Variants in PDE1C observed in about 807,000 individuals in gnomAD.
PDE1C encodes the protein dual specificity calcium/calmodulin-dependent 3',5'-cyclic nucleotide phosphodiesterase 1C.
In PDE1C, 62 loss-of-function variants were observed where a neutral mutation model predicts 93.1. The observed-to-expected ratio is 0.67, with a 90% confidence interval of 0.54 to 0.82. The LOEUF (loss-of-function observed/expected upper bound fraction) is 0.82, where lower values mean the gene tolerates loss of function less well. Ranked by LOEUF, PDE1C falls within the 40% of genes least tolerant of loss-of-function variation. PDE1C has a pLI of 0.00. For missense variants in PDE1C, 742 were observed against 884.6 expected (o/e 0.84, Z 2.04); for synonymous variants, 325 against 310.1 (o/e 1.05, Z -0.50).
At chr7:32,107,007 A>T (rs1392818094) in intron 3 of PDE1C, among the ~76,000 whole-genome samples, 1 of 151,298 alleles carries the variant, frequency 6.6e-6, no homozygotes, top group African/African-American at 2.4e-5. Flanking sequence ...AGGAAATGCC[A>T]GAAATAAATT....
intron 5 of PDE1C, among the ~76,000 whole-genome samples, chr7:31,875,124 C>T (rs1334319145): frequency 6.6e-6 from 1 of 152,176 alleles, no homozygotes; most frequent in Non-Finnish European, 1.5e-5. Flanking sequence ...CTATCATTGG[C>T]ACTGCCATGA....
chr7:31,691,859 T>A, the PDE1C span, among the ~76,000 whole-genome samples: 2 of 148,512 alleles, frequency 1.3e-5, no homozygotes, highest in Non-Finnish European at 3.0e-5. Context: ...CTTATTCAAT[T>A]CGGGTTCAAA....
At chr7:31,967,548 C>T (rs944712195) in intron 2 of PDE1C, among the ~76,000 whole-genome samples, 2 of 152,186 alleles carry the variant, frequency 1.3e-5, no homozygotes, top group African/African-American at 4.8e-5. Flanking sequence ...GGAACTGGTA[C>T]CATTCCTTCT....
chr7:31,947,502 G>T (rs1452240371), intron 2 of PDE1C, among the ~76,000 whole-genome samples: 1 of 152,138 alleles, frequency 6.6e-6, no homozygotes, highest in African/African-American at 2.4e-5. Context: ...AAGTTAGGCT[G>T]GGTCCTTTTT....
chr7:31,834,361 G>A lies in PDE1C; in HGVS notation c.1203+2819C>T, dbSNP rs1326428592. ...TGTTCTCCAGATCCCAGAATGGTAG[G>A]TCCACTGACAACTTGCACCATGTGC... On this transcript the variant is annotated intron_variant, in intron 11 of 17. Transcript: ENST00000396191. 2.0e-5 allele frequency among the ~76,000 whole-genome samples: 3 copies of A among 152,172 alleles called. 1 individual carries two copies. Among genetic ancestry groups the A allele is most frequent in the African/African-American group, 4.8e-5 (2 of 41,448 alleles).
intron 1 of PDE1C, among the ~76,000 whole-genome samples, chr7:32,244,817 T>G (rs1808804388): frequency 3.3e-5 from 5 of 152,214 alleles, no homozygotes; most frequent in Non-Finnish European, 5.9e-5. Context: ...ATCACTGCCC[T>G]ACATGTTGTC....
At chr7:31,623,817 G>C in the PDE1C span, among the ~76,000 whole-genome samples, 2 of 152,146 alleles carry the variant, frequency 1.3e-5, no homozygotes, top group African/African-American at 2.4e-5. Context: ...ATTAGGAAAA[G>C]AGCAAGTCAA....
intron 16 of PDE1C, chr7:31,788,538 C>G (rs1390585710): frequency 6.6e-6 from 1 of 152,172 alleles, no homozygotes; most frequent in Admixed American, 6.5e-5. Flanking sequence ...TTTGACAGCA[C>G]CCACCCTCTC....
intron 1 of PDE1C, among the ~76,000 whole-genome samples, chr7:32,396,711 T>C (rs1305721354): frequency 6.6e-6 from 1 of 152,182 alleles, no homozygotes; most frequent in East Asian, 1.9e-4. Flanking sequence ...TTTGTGTATG[T>C]TTGTTATAGT....
At chr7:31,704,480 G>A in the PDE1C span, among the ~76,000 whole-genome samples, 6 of 152,214 alleles carry the variant, frequency 3.9e-5, no homozygotes, top group African/African-American at 7.2e-5. Flanking sequence ...GAGAGAGGAC[G>A]AAGGGAAGGA....
At chr7:31,625,647 A>G in the PDE1C span, among the ~76,000 whole-genome samples, 11 of 152,206 alleles carry the variant, frequency 7.2e-5, no homozygotes, top group Non-Finnish European at 1.3e-4. Context: ...GGGGAGGGAT[A>G]GCACTGGGAG....
At position 31,823,226 on chromosome 7, in the gene PDE1C, C is replaced by G; in HGVS notation, c.1429G>C (p.Asp477His). The G allele has an allele frequency of 6.2e-7, 1 of 1,610,258 alleles. No individual in the cohort carries two copies. The highest frequency in any genetic ancestry group is 1.1e-5 in the South Asian group (1 of 90,286). The change falls in exon 14 of 18, where the codon GAT (aspartate) becomes CAT (histidine). Residue 477 changes from aspartate (D) to histidine (H), a missense_variant. By Grantham distance (81) the Asp-to-His change is moderately conservative. This residue lies in a region of PDE1C where 454 missense variants were observed against 459.4 expected (regional missense o/e 0.99). Coordinates refer to ENST00000396191, the MANE Select transcript of PDE1C (RefSeq NM_001191057.4). ...RSSLNSISSSDAKRSGVKTSG... is the reference protein window; with the variant it reads ...RSSLNSISSSHAKRSGVKTSG... ...GTCTTGACACCTGATCGCTTGGCAT[C>G]TGACGAGCTGATGCTATTCAAACTG...
At chr7:32,050,865 C>T (rs143358939) in intron 2 of PDE1C, among the ~76,000 whole-genome samples, 8 of 152,252 alleles carry the variant, frequency 5.3e-5, no homozygotes, top group East Asian at 1.9e-4. Flanking sequence ...CATTGGACTT[C>T]GGAGGCCATG....
chr7:32,086,096 T>C (rs1797053990), intron 3 of PDE1C, among the ~76,000 whole-genome samples: 1 of 151,162 alleles, frequency 6.6e-6, no homozygotes, highest in Non-Finnish European at 1.5e-5. Context: ...ATTGTATATC[T>C]AGAAAACCCC....
At chr7:32,124,987 A>G (rs1191470962) in intron 3 of PDE1C, among the ~76,000 whole-genome samples, 1 of 152,216 alleles carries the variant, frequency 6.6e-6, no homozygotes, top group East Asian at 1.9e-4. Flanking sequence ...CAAAGATCTA[A>G]TATCCAGAAT....
chr7:31,868,733 C>T (rs118085054), intron 6 of PDE1C, among the ~76,000 whole-genome samples: 1 of 152,068 alleles, frequency 6.6e-6, no homozygotes, highest in Non-Finnish European at 1.5e-5. Flanking sequence ...AAGATCTCCA[C>T]AGCACATTAG....
At chr7:31,684,948 G>C in the PDE1C span, among the ~76,000 whole-genome samples, 1 of 152,176 alleles carries the variant, frequency 6.6e-6, no homozygotes, top group Non-Finnish European at 1.5e-5. Context: ...CTCTCTACAT[G>C]AATGTTCATA....
At chr7:31,668,727 G>C in the PDE1C span, among the ~76,000 whole-genome samples, 1 of 152,066 alleles carries the variant, frequency 6.6e-6, no homozygotes, top group Non-Finnish European at 1.5e-5. Context: ...TTCTTTGGGG[G>C]ATGATGAAAA....
chr7:32,034,117 C>A (rs1790719506), intron 2 of PDE1C, among the ~76,000 whole-genome samples: 1 of 149,436 alleles, frequency 6.7e-6, no homozygotes, highest in Admixed American at 6.6e-5. Context: ...TATTTTTTTA[C>A]TGTGTGTCAC....
Sources: allele counts gnomAD v4.1 joint callset (sites outside exome capture counted in the v4.1 genomes callset), GRCh38; gene constraint gnomAD v4.1.1; regional missense constraint gnomAD v4.1.1; transcripts MANE v1.5; gene names NCBI Gene and HGNC (gene_info 2026-07-23, HGNC 2026-07-21).